Variants in VRTN observed in about 807,000 individuals in gnomAD.
The protein encoded by VRTN is vertnin.
A neutral mutation model predicts 18.2 loss-of-function variants in VRTN; 5 were observed. That is an observed-to-expected ratio of 0.27 (90% CI 0.14 to 0.58). The LOEUF (loss-of-function observed/expected upper bound fraction) is 0.58. Among genes scored for constraint, VRTN ranks in the 20% least tolerant of loss-of-function variants. VRTN has a pLI of 0.91. For missense variants in VRTN, 741 were observed against 939.4 expected (o/e 0.79, Z 2.76); for synonymous variants, 381 against 393.7 (o/e 0.97, Z 0.38).
In VRTN at chr14:74,358,242, A is replaced by G. The variant is rs1567047294; in HGVS notation, c.1459A>G (p.Thr487Ala). 3.1e-6 allele frequency: 5 copies of G among 1,611,596 alleles called. No individual in the cohort carries two copies. The highest frequency in any genetic ancestry group is 4.2e-6 in the Non-Finnish European group (5 of 1,178,810). Residue 487 changes from threonine (T) to alanine (A), a missense_variant, in exon 2 of 2, where the codon ACA (threonine) becomes GCA (alanine). Around this residue, in one of 3 missense-constraint regions of VRTN, gnomAD observed 494 missense variants for 546.5 expected, o/e 0.90. Coordinates refer to ENST00000256362, the MANE Select transcript of VRTN (RefSeq NM_018228.3). This position sits in a 1 kb window ranked among gnomAD's most constrained non-coding sequence, Gnocchi z 5.4. Reference protein sequence around the residue: ...SEAEEGAGNATGEDPPAPGEL... With the variant: ...SEAEEGAGNAAGEDPPAPGEL... ...GGCGGAAGAGGGGGCAGGGAATGCC[A>G]CAGGTGAGGACCCTCCCGCCCCCGG...
chr14:74,306,574 TTGTGTGTGTG>T (rs148393692), intron 1 of VRTN: 2 of 147,890 alleles, frequency 1.4e-5, no homozygotes, highest in African/African-American at 5.0e-5. Flanking sequence ...TGTAGTTGGT[TTGTGTGTGTG>T]TGTGTGTGTG....
chr14:74,336,435 C>T (rs2085564925), intron 1 of VRTN, among the ~76,000 whole-genome samples: 1 of 151,492 alleles, frequency 6.6e-6, no homozygotes, highest in South Asian at 2.1e-4. Context: ...TTCCACAAAC[C>T]TCTTCTCCAG....
intron 1 of VRTN, among the ~76,000 whole-genome samples, chr14:74,319,115 C>T (rs941781941): frequency 1.3e-5 from 2 of 152,034 alleles, no homozygotes; most frequent in East Asian, 1.9e-4. Context: ...ACACTGAAAC[C>T]TCCGCCTCCC....
At chr14:74,306,074 T>C (rs2085346202) in intron 1 of VRTN, 1 of 148,010 alleles carries the variant, frequency 6.8e-6, no homozygotes. Flanking sequence ...TTTTAAAATT[T>C]AAATTTAAAG....
At chr14:74,312,504 G>A (rs990191453) in intron 1 of VRTN, among the ~76,000 whole-genome samples, 38 of 151,708 alleles carry the variant, frequency 2.5e-4, no homozygotes, top group African/African-American at 9.2e-4. Context: ...AGGCTGGAGT[G>A]CAGTGATGTA....
Position 74,357,717 on chromosome 14 carries a change from G to A in VRTN, c.934G>A (p.Ala312Thr). 9.9e-6 allele frequency: 16 copies of A among 1,613,524 alleles called. No individual in the cohort carries two copies. Among genetic ancestry groups the A allele is most frequent in the Non-Finnish European group, 1.3e-5 (15 of 1,180,034 alleles). The change falls in exon 2 of 2, where the codon GCC (alanine) becomes ACC (threonine). Residue 312 changes from alanine to threonine, a missense_variant. Around this residue, in one of 3 missense-constraint regions of VRTN, gnomAD observed 494 missense variants for 546.5 expected, o/e 0.90. Transcript: ENST00000256362. The surrounding 1 kb of genome is among the most constrained non-coding windows in gnomAD (Gnocchi z 7.8). The stretch of plus-strand genomic sequence containing the variant: ...CCAGGAGCACCGGCAGAAGGTTGCT[G>A]CCCGCTTCTCCGCCAAGCACTTCCT... ...QSQEHRQKVA[A>T]RFSAKHFLQD...
chr14:74,328,875 C>T (rs2085503581), intron 1 of VRTN, among the ~76,000 whole-genome samples: 1 of 151,828 alleles, frequency 6.6e-6, no homozygotes, highest in African/African-American at 2.4e-5. Context: ...TGGCTCACGC[C>T]TGTAATCCCA....
intron 2 of VRTN, among the ~76,000 whole-genome samples, chr14:74,341,838 A>G (rs1477534135): frequency 6.6e-6 from 1 of 152,086 alleles, no homozygotes; most frequent in Admixed American, 6.6e-5. Context: ...TTTGTAAGTG[A>G]AGGATTACCC....
intron 1 of VRTN, among the ~76,000 whole-genome samples, chr14:74,320,401 C>T (rs113315202): frequency 2.0e-5 from 3 of 150,014 alleles, no homozygotes; most frequent in South Asian, 4.2e-4. Flanking sequence ...GCTGGGACTA[C>T]AGGCGCCCGC....
intron 2 of VRTN, among the ~76,000 whole-genome samples, chr14:74,343,189 C>T (rs868828061): frequency 6.6e-6 from 1 of 151,830 alleles, no homozygotes; most frequent in Non-Finnish European, 1.5e-5. Flanking sequence ...TGCAGTGCTG[C>T]GACCTTGGCT....
chr14:74,347,922 G>T (rs934222887), upstream of VRTN, among the ~76,000 whole-genome samples: 2 of 152,214 alleles, frequency 1.3e-5, no homozygotes, highest in African/African-American at 4.8e-5. Flanking sequence ...TGGTGGAGAT[G>T]CAGCCTTTAG....
chr14:74,340,216 G>C (rs541233272), intron 2 of VRTN, among the ~76,000 whole-genome samples: 289 of 151,528 alleles, frequency 1.9e-3, no homozygotes, highest in Non-Finnish European at 3.1e-3. Context: ...AGGTTCAAGC[G>C]ATTCTCCTAC....
At chr14:74,322,810 T>G (rs537548712) in intron 1 of VRTN, among the ~76,000 whole-genome samples, 1 of 152,204 alleles carries the variant, frequency 6.6e-6, no homozygotes, top group Admixed American at 6.5e-5. Context: ...TGTCAGGAGT[T>G]TTATGGATGG....
intron 2 of VRTN, among the ~76,000 whole-genome samples, chr14:74,338,852 G>A (rs1307690189): frequency 6.6e-6 from 1 of 152,198 alleles, no homozygotes; most frequent in Non-Finnish European, 1.5e-5. Flanking sequence ...AGCCTCCTGA[G>A]TAGCTGGGAC....
In VRTN at chr14:74,313,793, C is replaced by A. The variant is rs542599414; in HGVS notation, c.-164+10617C>A. ...CTCAGGAGTTGGAGACCAGCCTAGG[C>A]AACATGGCAAGACCTCATTGCTACA... On this transcript the variant is annotated intron_variant, in intron 1 of 2. Coordinates refer to the VRTN transcript ENST00000557177. 7.2e-5 allele frequency among the ~76,000 whole-genome samples: 11 copies of A among 152,274 alleles called. No individual in the cohort carries two copies. In the South Asian group the frequency reaches 2.3e-3, roughly 32 times the overall value.
At chr14:74,318,603 C>CG (rs1252253962) in intron 1 of VRTN, among the ~76,000 whole-genome samples, 1 of 150,196 alleles carries the variant, frequency 6.7e-6, no homozygotes, top group Non-Finnish European at 1.5e-5. Flanking sequence ...GTAGAGAAGG[C>CG]GTTTCACCAT....
intron 2 of VRTN, among the ~76,000 whole-genome samples, chr14:74,340,893 G>C (rs959897279): frequency 1.3e-5 from 2 of 152,160 alleles, no homozygotes; most frequent in Admixed American, 6.6e-5. Context: ...TGGAGTACGC[G>C]CAGCCACTCC....
At chr14:74,306,618 T>G (rs1951940833) in intron 1 of VRTN, 2 of 151,116 alleles carry the variant, frequency 1.3e-5, no homozygotes, top group South Asian at 4.2e-4. Flanking sequence ...GTGGTTTTTT[T>G]TTTTTTTTTT....
chr14:74,334,178 G>C (rs1022576572), intron 1 of VRTN, among the ~76,000 whole-genome samples: 2 of 152,168 alleles, frequency 1.3e-5, no homozygotes, highest in East Asian at 1.9e-4. Context: ...TGGCTCTGAG[G>C]TTCCTGGAAG....
Sources: gnomAD v4.1 joint callset for allele counts (sites outside exome capture counted in the v4.1 genomes callset) on GRCh38, gnomAD v4.1.1 for gene constraint, gnomAD v4.1.1 regional missense constraint, Gnocchi (gnomAD v3.1) non-coding constraint, MANE v1.5 for transcripts, NCBI Gene and HGNC (gene_info 2026-07-23, HGNC 2026-07-21) for gene names.